The following FRMPD3 variants were observed in gnomAD, a reference collection of about 807,000 sequenced individuals.
FRMPD3 encodes the protein FERM and PDZ domain-containing protein 3.
Under a neutral mutation model 97.9 loss-of-function variants are expected in FRMPD3, and 42 were observed. That is an observed-to-expected ratio of 0.43 (90% CI 0.34 to 0.55). The LOEUF is 0.55. Ranked by LOEUF, FRMPD3 falls within the 20% of genes least tolerant of loss-of-function variation. The pLI is 0.03. For missense variants in FRMPD3, 1,303 were observed against 1,457.7 expected (o/e 0.89, Z 1.73); for synonymous variants, 577 against 581.1 (o/e 0.99, Z 0.10).
Position 107,576,339 on chromosome X carries a change from C to A in FRMPD3, c.1321C>A (p.Pro441Thr). The change falls in exon 13 of 15, where the codon CCT becomes ACT. Residue 441 changes from proline to threonine, a missense_variant. Pro to Thr is a conservative substitution (Grantham distance 38). Around this residue, in one of 3 missense-constraint regions of FRMPD3, gnomAD observed 535 missense variants for 618.6 expected, o/e 0.86. Transcript: ENST00000683843. ...AKPLVLLMEW[P>T]EATNFACLIA... The stretch of plus-strand genomic sequence containing the variant: ...GCCTCTGGTGCTGTTGATGGAGTGG[C>A]CTGAAGCCACCAACTTTGCCTGCCT... The A allele has an allele frequency of 8.3e-7, 1 of 1,210,856 alleles. No homozygotes were observed.
At chrX:107,502,156 C>T (rs975199067) in intron 1 of FRMPD3, among the ~76,000 whole-genome samples, 2 of 110,310 alleles carry the variant, frequency 1.8e-5, no homozygotes, top group Non-Finnish European at 1.9e-5. Flanking sequence ...ACAGAACATT[C>T]GCACCACAGG....
intron 13 of FRMPD3, among the ~76,000 whole-genome samples, chrX:107,587,614 T>G (rs754770952): frequency 3.6e-5 from 4 of 112,023 alleles, no homozygotes; most frequent in South Asian, 7.5e-4. Flanking sequence ...AATTTAGTGC[T>G]TCTTTCAGGA....
intron 1 of FRMPD3, among the ~76,000 whole-genome samples, chrX:107,490,172 G>T (rs1168435212): frequency 9.0e-6 from 1 of 111,516 alleles, no homozygotes; most frequent in Non-Finnish European, 1.9e-5. Context: ...ATTTCTGAGG[G>T]CTCTGTTCTG....
chrX:107,552,756 G>A (rs1168265834), intron 6 of FRMPD3, 39 bp from the exon 7 acceptor site: 1 of 1,198,467 alleles, frequency 8.3e-7, no homozygotes, highest in Non-Finnish European at 1.1e-6. Flanking sequence ...CTTAGGGCCA[G>A]AACTAATCTC....
At chrX:107,510,588 G>A (rs1032340020) in intron 1 of FRMPD3, among the ~76,000 whole-genome samples, 4 of 112,123 alleles carry the variant, frequency 3.6e-5, no homozygotes, top group African/African-American at 1.3e-4. Flanking sequence ...AGCATAGCAC[G>A]TGCTCTTGCC....
chrX:107,533,462 A>T, intron 3 of FRMPD3, 43 bp from the exon 4 acceptor site: 1 of 1,102,927 alleles, frequency 9.1e-7, no homozygotes, highest in Non-Finnish European at 1.2e-6. Context: ...ATGAATACCT[A>T]GTGCATGATA....
intron 4 of FRMPD3, among the ~76,000 whole-genome samples, chrX:107,541,314 G>A (rs1921290157): frequency 8.9e-6 from 1 of 112,403 alleles, no homozygotes; most frequent in Admixed American, 9.4e-5. Flanking sequence ...ATATCACACT[G>A]CAAAGCAGGC....
At chrX:107,560,123 C>A in intron 8 of FRMPD3, 134 bp from the exon 9 acceptor site, 5 of 743,415 alleles carry the variant, frequency 6.7e-6, no homozygotes, top group Non-Finnish European at 9.9e-6. Flanking sequence ...CCAAGGGGAG[C>A]TCCTTCCTCT....
chrX:107,517,393 G>A (rs758034268), intron 1 of FRMPD3, among the ~76,000 whole-genome samples: 38 of 111,943 alleles, frequency 3.4e-4, no homozygotes, highest in Admixed American at 3.2e-3. Context: ...GAGATTTCTT[G>A]GGGAAAATGG....
At position 107,517,447 on chromosome X, in the gene FRMPD3, T is replaced by C. The variant is rs754983749; in HGVS notation, c.-7-9135T>C. ...GGAGAGAGGGCGAGTGATGAAATAGTCATTTTAGAGACAGAGAAAGTGTTG... is the reference window on the plus strand; with the variant it reads ...GGAGAGAGGGCGAGTGATGAAATAGCCATTTTAGAGACAGAGAAAGTGTTG... On this transcript the variant is annotated intron_variant, in intron 1 of 14. Transcript: ENST00000683843. 5.6e-4 allele frequency among the ~76,000 whole-genome samples: 63 copies of C among 111,751 alleles called. 1 individual carries two copies. The highest frequency in any genetic ancestry group is 2.0e-3 in the African/African-American group (60 of 30,741).
intron 1 of FRMPD3, among the ~76,000 whole-genome samples, chrX:107,499,633 T>C (rs1285172767): frequency 1.8e-5 from 2 of 112,156 alleles, no homozygotes; most frequent in African/African-American, 6.5e-5. Context: ...ATAATAAAAA[T>C]AGCTAACATT....
At chrX:107,461,757 T>TTATACATATACATA in intron 1 of FRMPD3, among the ~76,000 whole-genome samples, 1 of 92,006 alleles carries the variant, frequency 1.1e-5, no homozygotes, top group African/African-American at 4.2e-5. Context: ...CTGGAATTCA[T>TTATACATATACATA]TATACATATA....
At chrX:107,499,828 C>T (rs1921861684) in intron 1 of FRMPD3, among the ~76,000 whole-genome samples, 1 of 111,623 alleles carries the variant, frequency 9.0e-6, no homozygotes, top group Non-Finnish European at 1.9e-5. Flanking sequence ...GTTCAGTTAT[C>T]TTCTACTGCT....
rs1176374478 is a variant in FRMPD3 at position 107,604,167 on chromosome X, A to AGCCCG, written c.*799_*803dup. 9.4e-6 allele frequency: 1 copy of AGCCCG among 106,448 alleles called. No homozygotes were observed. The highest frequency in any genetic ancestry group is 3.4e-5 in the African/African-American group (1 of 29,149). The allele number at this position is 106,448 out of a possible 1,213,427, so 8.8% of individuals were successfully genotyped here. A position where few individuals can be genotyped will look rare whatever the true frequency, so the allele number is the denominator to read the frequency against. ...CCAGTGCAGGCCTAGGAGCCCGCCTAGCCCGGCCCAGCCCAGCTCAGGGGC... is the reference window on the plus strand; with the variant it reads ...CCAGTGCAGGCCTAGGAGCCCGCCTAGCCCGGCCCGGCCCAGCCCAGCTCAGGGGC... On this transcript the variant is annotated 3_prime_UTR_variant, in exon 15 of 15. Coordinates refer to ENST00000683843, the MANE Select transcript of FRMPD3 (RefSeq NM_001388459.1).
At chrX:107,510,528 G>T (rs1260001030) in intron 1 of FRMPD3, among the ~76,000 whole-genome samples, 3 of 111,879 alleles carry the variant, frequency 2.7e-5, no homozygotes, top group Non-Finnish European at 5.6e-5. Flanking sequence ...CAACGTGGGG[G>T]AGGTACAGAG....
intron 13 of FRMPD3, 68 bp from the exon 14 acceptor site, chrX:107,597,253 A>G: frequency 1.1e-6 from 1 of 946,146 alleles, no homozygotes. Context: ...TGGGCCAGAG[A>G]CAACAAGGGA....
intron 1 of FRMPD3, among the ~76,000 whole-genome samples, chrX:107,460,485 G>A (rs12688152): frequency 0.053 from 5,771 of 108,951 alleles, 125 homozygotes; most frequent in South Asian, 0.13. Context: ...CTGCCTCCCA[G>A]GCTCAAGTAA....
At chrX:107,571,990 A>G in intron 12 of FRMPD3, among the ~76,000 whole-genome samples, 1 of 112,264 alleles carries the variant, frequency 8.9e-6, no homozygotes, top group Non-Finnish European at 1.9e-5. Flanking sequence ...GTAGCTCTCT[A>G]TACGTTTTCC....
chrX:107,551,971 A>G (rs1319982315), intron 6 of FRMPD3, among the ~76,000 whole-genome samples: 4 of 111,748 alleles, frequency 3.6e-5, no homozygotes, highest in African/African-American at 1.3e-4. Context: ...CCCAAGCTTG[A>G]TTCTTTCCAG....
Sources: allele counts gnomAD v4.1 joint callset (sites outside exome capture counted in the v4.1 genomes callset), GRCh38; gene constraint gnomAD v4.1.1; regional missense constraint gnomAD v4.1.1; transcripts MANE v1.5; gene names NCBI Gene and HGNC (gene_info 2026-07-23, HGNC 2026-07-21).